STAG1: variants seen among roughly 807,000 people sequenced by gnomAD.
STAG1 encodes STAG1 cohesin complex component, also known as cohesin subunit SA-1.
A neutral mutation model predicts 170.9 loss-of-function variants in STAG1; 26 were observed. The observed-to-expected ratio is 0.15, with a 90% confidence interval of 0.11 to 0.21. The LOEUF (loss-of-function observed/expected upper bound fraction) is 0.21. Ranked by LOEUF, STAG1 falls within the 10% of genes least tolerant of loss-of-function variation. The pLI is 1.00. For synonymous variants in STAG1, 514 were observed against 497.7 expected (o/e 1.03, Z -0.44); for missense variants, 964 against 1,509.5 (o/e 0.64, Z 5.99).
chr3:136,441,880 G>C (rs903770674), intron 15 of STAG1, among the ~76,000 whole-genome samples: 5 of 152,148 alleles, frequency 3.3e-5, no homozygotes, highest in Non-Finnish European at 2.9e-5. Flanking sequence ...AAAAGAGAGA[G>C]AGTTAAAAAT....
At chr3:136,510,715 G>C (rs1300685321) in intron 7 of STAG1, among the ~76,000 whole-genome samples, 1 of 151,860 alleles carries the variant, frequency 6.6e-6, no homozygotes, top group Non-Finnish European at 1.5e-5. Context: ...GGGTTCAAGT[G>C]ATTCTCCTGC....
chr3:136,435,877 C>A (rs1340300846), intron 15 of STAG1, among the ~76,000 whole-genome samples: 1 of 151,948 alleles, frequency 6.6e-6, no homozygotes, highest in Non-Finnish European at 1.5e-5. Flanking sequence ...ACCATCTTGG[C>A]CATGCTGGTC....
intron 22 of STAG1, among the ~76,000 whole-genome samples, chr3:136,388,628 AAGTGCTGAAATTAC>A (rs2086928957): frequency 6.6e-6 from 1 of 152,054 alleles, no homozygotes; most frequent in East Asian, 1.9e-4. Flanking sequence ...CAGCCTCCCA[AAGTGCTGAAATTAC>A]AGGCATCAGC....
intron 26 of STAG1, among the ~76,000 whole-genome samples, chr3:136,359,706 G>C (rs983450612): frequency 6.6e-6 from 1 of 152,084 alleles, no homozygotes; most frequent in Non-Finnish European, 1.5e-5. Context: ...ATTTTTAGCA[G>C]AGATCTTGGC....
chr3:136,359,020 T>C, intron 27 of STAG1, 128 bp downstream of exon 27: 1 of 784,942 alleles, frequency 1.3e-6, no homozygotes, highest in South Asian at 3.2e-5. Context: ...TTAGAATCTC[T>C]AAACTAATCT....
At chr3:136,650,995 T>C (rs1941198736) in intron 1 of STAG1, among the ~76,000 whole-genome samples, 1 of 150,954 alleles carries the variant, frequency 6.6e-6, no homozygotes, top group African/African-American at 2.4e-5. Flanking sequence ...GTAAAGATAA[T>C]GGGCTCGGTT....
Position 136,474,486 on chromosome 3 carries a change from A to C in STAG1, c.1027-849T>G, listed in dbSNP as rs142814290. Among the ~76,000 whole-genome samples the C allele has an allele frequency of 3.2e-3, 487 of 152,326 alleles. 6 individuals are homozygous for C. The highest frequency in any genetic ancestry group is 0.011 in the African/African-American group (471 of 41,582). ...GCAGAGATATGCTGGTAAAAGTTTT[A>C]ACAAAGAGCTCTGAGGAATAGGGTT... On this transcript the variant is annotated intron_variant, in intron 10 of 33. Transcript: ENST00000383202.
intron 21 of STAG1, among the ~76,000 whole-genome samples, chr3:136,402,684 T>C (rs1244660695): frequency 2.7e-5 from 4 of 148,050 alleles, no homozygotes; most frequent in South Asian, 4.3e-4. Context: ...TATAAAAAAT[T>C]ACCGGGTGTG....
At chr3:136,437,148 C>A (rs904218812) in intron 15 of STAG1, among the ~76,000 whole-genome samples, 3 of 152,160 alleles carry the variant, frequency 2.0e-5, no homozygotes, top group Non-Finnish European at 4.4e-5. Context: ...AAGGACAGAA[C>A]AACTTATCTC....
At chr3:136,630,506 T>C (rs1576689070) in intron 2 of STAG1, among the ~76,000 whole-genome samples, 1 of 152,220 alleles carries the variant, frequency 6.6e-6, no homozygotes, top group Non-Finnish European at 1.5e-5. Flanking sequence ...CTGTCACAAC[T>C]TGTAATACAA....
Position 136,506,634 on chromosome 3 carries a change from A to G in STAG1, c.677-3855T>C, listed in dbSNP as rs1252122177. ...GCACTCCAGCCTGTGAGACACAGCA[A>G]GACTCCACCTCAAAAAAAAAAAAAA... On this transcript the variant is annotated intron_variant, in intron 7 of 33. Coordinates refer to ENST00000383202, the MANE Select transcript of STAG1 (RefSeq NM_005862.3). 4.9e-4 allele frequency among the ~76,000 whole-genome samples: 73 copies of G among 149,488 alleles called. 1 individual carries two copies. Among genetic ancestry groups the G allele is most frequent in the Middle Eastern group, 6.8e-3 (2 of 292 alleles).
At chr3:136,454,036 A>G (rs2089027329) in intron 13 of STAG1, among the ~76,000 whole-genome samples, 1 of 152,138 alleles carries the variant, frequency 6.6e-6, no homozygotes, top group Admixed American at 6.6e-5. Context: ...TTAATGGGTG[A>G]CTTTCAGAGG....
chr3:136,366,611 C>T (rs1937081870), intron 25 of STAG1, among the ~76,000 whole-genome samples: 1 of 152,124 alleles, frequency 6.6e-6, no homozygotes, highest in Non-Finnish European at 1.5e-5. Context: ...AAGGCAAATA[C>T]AGGAAAACTG....
chr3:136,447,298 C>T (rs1036642590), intron 14 of STAG1, among the ~76,000 whole-genome samples: 3 of 151,430 alleles, frequency 2.0e-5, no homozygotes, highest in Non-Finnish European at 2.9e-5. Context: ...ATGGTGAAAC[C>T]GTCTCTACTA....
chr3:136,612,629 A>G (rs111438693), intron 3 of STAG1, among the ~76,000 whole-genome samples: 7 of 152,356 alleles, frequency 4.6e-5, no homozygotes, highest in African/African-American at 1.4e-4. Context: ...GCAGTGAGCC[A>G]TGAACGTTCC....
chr3:136,707,831 C>T (rs1943269150), intron 1 of STAG1, among the ~76,000 whole-genome samples: 1 of 152,192 alleles, frequency 6.6e-6, no homozygotes, highest in Non-Finnish European at 1.5e-5. Flanking sequence ...ACAGCACCAG[C>T]AATTCATGAA....
In STAG1 at chr3:136,677,093, AT is replaced by A. The variant is rs1244566562; in HGVS notation, c.-83-46113del. ...TGCCAGAGACTGTTTTACAGTTAAC[AT>A]TTTTTTATAAGTAGGAGTACACTCT... On this transcript the variant is annotated intron_variant, in intron 1 of 33. Transcript: ENST00000383202. Among the ~76,000 whole-genome samples the A allele has an allele frequency of 4.6e-5, 7 of 152,118 alleles. No homozygotes were observed. In the East Asian group the frequency reaches 7.7e-4, roughly 17 times the overall value.
chr3:136,747,910 A>G (rs1400539887), intron 1 of STAG1, among the ~76,000 whole-genome samples: 3 of 150,192 alleles, frequency 2.0e-5, no homozygotes, highest in African/African-American at 4.9e-5. Context: ...CCCGGTAGCT[A>G]GGACTACAGG....
intron 16 of STAG1, among the ~76,000 whole-genome samples, chr3:136,428,299 CAAG>C (rs1243406306): frequency 6.6e-6 from 1 of 152,154 alleles, no homozygotes; most frequent in Non-Finnish European, 1.5e-5. Flanking sequence ...TAATGTCTAA[CAAG>C]AAGGCCTGGA....
Sources: gnomAD v4.1 joint callset for allele counts (sites outside exome capture counted in the v4.1 genomes callset) on GRCh38, gnomAD v4.1.1 for gene constraint, MANE v1.5 for transcripts, NCBI Gene and HGNC (gene_info 2026-07-23, HGNC 2026-07-21) for gene names.